TRAPPC9: variants seen among roughly 807,000 people sequenced by gnomAD.
TRAPPC9 encodes the protein trafficking protein particle complex subunit 9.
A neutral mutation model predicts 124.0 loss-of-function variants in TRAPPC9; 83 were observed. That is an observed-to-expected ratio of 0.67 (90% CI 0.56 to 0.80). The LOEUF is 0.80. TRAPPC9 is among the 30% of genes least tolerant of loss of function. TRAPPC9 has a pLI of 0.00. For synonymous variants in TRAPPC9, 638 were observed against 617.5 expected, an observed-to-expected ratio of 1.03 and a Z score of -0.49; for missense variants, 1,302 against 1,508.3, an observed-to-expected ratio of 0.86 and a Z score of 2.27.
chr8:140,051,590 T>TG (rs1842010461), intron 17 of TRAPPC9, among the ~76,000 whole-genome samples: 1 of 150,744 alleles, frequency 6.6e-6, no homozygotes, highest in African/African-American at 2.4e-5. Context: ...TTTTTTTTTT[T>TG]TTTTTTTTTG....
At chr8:140,043,172 T>G (rs1239628444) in intron 17 of TRAPPC9, among the ~76,000 whole-genome samples, 1 of 152,224 alleles carries the variant, frequency 6.6e-6, no homozygotes, top group Admixed American at 6.5e-5. Flanking sequence ...AAAGGCTGAA[T>G]CCAGCATCTA....
chr8:140,142,266 T>C lies in TRAPPC9; in HGVS notation c.2556+79193A>G, dbSNP rs554782484. On this transcript the variant is annotated intron_variant, in intron 17 of 22. Coordinates refer to ENST00000438773, the MANE Select transcript of TRAPPC9 (RefSeq NM_001160372.4). ...GCACAGAAAGATTTTTCATTTTCTT[T>C]TTTCTCCAAGTGCCAAGAATTGAAC... 5.1e-4 allele frequency among the ~76,000 whole-genome samples: 77 copies of C among 152,344 alleles called. 1 individual carries two copies. The South Asian group carries it at 0.016, about 31-fold the overall frequency.
intron 17 of TRAPPC9, among the ~76,000 whole-genome samples, chr8:140,132,768 TAA>T (rs1267269034): frequency 6.7e-6 from 1 of 148,170 alleles, no homozygotes; most frequent in African/African-American, 2.5e-5. Flanking sequence ...AGGCTCAGAA[TAA>T]CCTTCCAAGA....
At chr8:139,741,062 G>A (rs1217358817) in intron 21 of TRAPPC9, among the ~76,000 whole-genome samples, 1 of 152,156 alleles carries the variant, frequency 6.6e-6, no homozygotes, top group Non-Finnish European at 1.5e-5. Context: ...TGGAGGATGT[G>A]GGGGAAGAGG....
intron 15 of TRAPPC9, among the ~76,000 whole-genome samples, chr8:140,272,279 A>ATGG (rs1440396230): frequency 7.8e-6 from 1 of 127,448 alleles, no homozygotes; most frequent in Non-Finnish European, 1.6e-5. Flanking sequence ...GGTGGTGACG[A>ATGG]TGGTGGTGGC....
intron 6 of TRAPPC9, among the ~76,000 whole-genome samples, chr8:140,398,942 C>T (rs2069172812): frequency 6.6e-6 from 1 of 152,248 alleles, no homozygotes; most frequent in Non-Finnish European, 1.5e-5. Flanking sequence ...CCCAGGGTCA[C>T]CATGCTGTGT....
At chr8:139,824,428 A>G (rs1825479412) in intron 21 of TRAPPC9, among the ~76,000 whole-genome samples, 1 of 152,220 alleles carries the variant, frequency 6.6e-6, no homozygotes, top group Non-Finnish European at 1.5e-5. Flanking sequence ...CAGGAGAGGC[A>G]GTGGAGCACG....
intron 22 of TRAPPC9, among the ~76,000 whole-genome samples, chr8:139,731,445 T>C (rs1817816106): frequency 6.6e-6 from 1 of 151,818 alleles, no homozygotes; most frequent in African/African-American, 2.4e-5. Context: ...CTGAATTGTT[T>C]GGGGGCTCAG....
intron 17 of TRAPPC9, among the ~76,000 whole-genome samples, chr8:140,061,292 T>G (rs1842595315): frequency 2.0e-5 from 1 of 49,536 alleles, no homozygotes; most frequent in Non-Finnish European, 7.6e-5. Context: ...TTCCCAAGGC[T>G]GCCCGGCAGC....
intron 5 of TRAPPC9, among the ~76,000 whole-genome samples, chr8:140,412,382 CGT>C (rs2069735997): frequency 1.3e-5 from 2 of 152,138 alleles, no homozygotes; most frequent in South Asian, 4.1e-4. Context: ...CACTAAATGC[CGT>C]GTGTGATCCT....
chr8:140,029,273 G>A lies in TRAPPC9; in HGVS notation c.2557-5194C>T, dbSNP rs148002023. On this transcript the variant is annotated intron_variant, in intron 17 of 22. Transcript: ENST00000438773. ...TAGTCCCAGCAGTTTGGGAGGCTGC[G>A]CAGAGGCAGATCACTTGAGCCCCAG... 3.8e-3 allele frequency among the ~76,000 whole-genome samples: 585 copies of A among 152,330 alleles called. 3 individuals carry two copies. The highest frequency in any genetic ancestry group is 0.011 in the African/African-American group (441 of 41,582).
intron 9 of TRAPPC9, among the ~76,000 whole-genome samples, chr8:140,357,457 C>G (rs1310181771): frequency 6.6e-6 from 1 of 152,058 alleles, no homozygotes; most frequent in East Asian, 1.9e-4. Flanking sequence ...CAGGAGAGAA[C>G]AGAGTCCTGG....
chr8:140,330,115 C>T (rs533656371), intron 9 of TRAPPC9, among the ~76,000 whole-genome samples: 20 of 152,094 alleles, frequency 1.3e-4, no homozygotes, highest in Middle Eastern at 3.4e-3. Flanking sequence ...TATATGTTCA[C>T]GCTTTTTGCT....
At chr8:139,749,550 G>A (rs961940985) in intron 21 of TRAPPC9, among the ~76,000 whole-genome samples, 2 of 152,126 alleles carry the variant, frequency 1.3e-5, no homozygotes, top group Admixed American at 6.5e-5. Flanking sequence ...GAAGCATGCC[G>A]GGAACCCCTC....
chr8:140,172,813 G>A (rs1370505076), intron 17 of TRAPPC9, among the ~76,000 whole-genome samples: 2 of 152,138 alleles, frequency 1.3e-5, no homozygotes, highest in African/African-American at 2.4e-5. Flanking sequence ...ATTTATAGGG[G>A]AGAAAACTGT....
intron 11 of TRAPPC9, among the ~76,000 whole-genome samples, chr8:140,293,435 A>G (rs1350645283): frequency 1.3e-4 from 20 of 152,166 alleles, no homozygotes. Context: ...TTGCAGCACT[A>G]TTCACAATAG....
At chr8:140,062,681 A>C (rs1172330527) in intron 17 of TRAPPC9, among the ~76,000 whole-genome samples, 1 of 151,950 alleles carries the variant, frequency 6.6e-6, no homozygotes, top group Non-Finnish European at 1.5e-5. Context: ...CTGCTCTCCT[A>C]CTAGAAGATG....
intron 19 of TRAPPC9, among the ~76,000 whole-genome samples, chr8:139,928,949 T>C (rs944593656): frequency 6.6e-6 from 1 of 152,028 alleles, no homozygotes; most frequent in Non-Finnish European, 1.5e-5. Flanking sequence ...AGACAACGCC[T>C]TGCAAGCATC....
chr8:140,354,043 G>A (rs1289941058), intron 9 of TRAPPC9, among the ~76,000 whole-genome samples: 3 of 152,236 alleles, frequency 2.0e-5, no homozygotes, highest in Non-Finnish European at 2.9e-5. Flanking sequence ...CGGCATGTAC[G>A]AAGGCAGCAG....
Sources: allele counts gnomAD v4.1 joint callset (sites outside exome capture counted in the v4.1 genomes callset), GRCh38; gene constraint gnomAD v4.1.1; transcripts MANE v1.5; gene names NCBI Gene and HGNC (gene_info 2026-07-23, HGNC 2026-07-21).